MGAT4C: variants seen among roughly 807,000 people sequenced by gnomAD.
MGAT4C encodes the protein alpha-1,3-mannosyl-glycoprotein 4-beta-N-acetylglucosaminyltransferase C.
In MGAT4C, 19 loss-of-function variants were observed where a neutral mutation model predicts 40.1. The ratio of observed to expected loss-of-function variants is 0.47; its 90% confidence interval spans 0.33 to 0.70. The LOEUF (loss-of-function observed/expected upper bound fraction) is 0.70. Ranked by LOEUF, MGAT4C falls within the 30% of genes least tolerant of loss-of-function variation. MGAT4C has a pLI of 0.02. For synonymous variants in MGAT4C, 181 were observed against 187.1 expected (o/e 0.97, Z 0.27); for missense variants, 491 against 563.2 (o/e 0.87, Z 1.30).
At chr12:86,316,079 CAAAAAAAAAAAAAAA>C (rs71076185) in intron 4 of MGAT4C, among the ~76,000 whole-genome samples, 3 of 34,062 alleles carry the variant, frequency 8.8e-5, no homozygotes, top group African/African-American at 2.3e-4. Context: ...ATACAAGCAG[CAAAAAAAAAAAAAAA>C]AAAAAAAAAA....
At chr12:86,358,619 A>T (rs540227807) in intron 3 of MGAT4C, among the ~76,000 whole-genome samples, 3 of 152,210 alleles carry the variant, frequency 2.0e-5, no homozygotes, top group Non-Finnish European at 4.4e-5. Context: ...CTCAAAATAA[A>T]GGGATGGAGG....
chr12:86,753,946 G>C (rs1327356477), intron 1 of MGAT4C, among the ~76,000 whole-genome samples: 1 of 152,004 alleles, frequency 6.6e-6, no homozygotes, highest in Non-Finnish European at 1.5e-5. Flanking sequence ...AGAATAATTT[G>C]ACAGTTTTAA....
chr12:86,037,396 A>G (rs2136924715), intron 2 of MGAT4C, among the ~76,000 whole-genome samples: 1 of 150,102 alleles, frequency 6.7e-6, no homozygotes. Flanking sequence ...TGTCAATTTT[A>G]GATATTTCCT....
Position 86,062,449 on chromosome 12 carries a change from A to T in MGAT4C, c.-56-12726T>A, listed in dbSNP as rs142054911. On this transcript the variant is annotated intron_variant, in intron 1 of 4. Transcript: ENST00000611864. ...CCAGTGCAAAAAGGCTGAAAATTCC[A>T]GAAACCAGAATGCCTTTTCTCCTCC... 2.2e-3 allele frequency among the ~76,000 whole-genome samples: 341 copies of T among 152,242 alleles called. 2 individuals are homozygous for T. The highest frequency in any genetic ancestry group is 5.8e-3 in the Admixed American group (89 of 15,288).
chr12:86,178,179 G>C (rs376326903), intron 1 of MGAT4C, among the ~76,000 whole-genome samples: 3 of 152,052 alleles, frequency 2.0e-5, no homozygotes, highest in Non-Finnish European at 2.9e-5. Context: ...CTTGTGATCC[G>C]CCCGCCTTGG....
chr12:86,780,467 G>A (rs1051222695), intron 1 of MGAT4C, among the ~76,000 whole-genome samples: 1 of 152,106 alleles, frequency 6.6e-6, no homozygotes, highest in African/African-American at 2.4e-5. Flanking sequence ...CTCCCTTGCT[G>A]TTCTCATGAT....
intron 1 of MGAT4C, among the ~76,000 whole-genome samples, chr12:86,218,438 G>T (rs544343740): frequency 4.6e-5 from 7 of 152,158 alleles, no homozygotes; most frequent in Non-Finnish European, 1.0e-4. Flanking sequence ...ACCTCAAAAG[G>T]CTCTCTCTCC....
chr12:86,471,857 G>A (rs1034638771), intron 2 of MGAT4C, among the ~76,000 whole-genome samples: 1 of 152,074 alleles, frequency 6.6e-6, no homozygotes, highest in African/African-American at 2.4e-5. Flanking sequence ...AACCATGGAA[G>A]TGGATTTTTC....
chr12:86,754,677 T>C (rs146663513), intron 1 of MGAT4C, among the ~76,000 whole-genome samples: 29 of 152,232 alleles, frequency 1.9e-4, no homozygotes, highest in African/African-American at 7.0e-4. Flanking sequence ...CAAGAAAAGA[T>C]AGACAAATTG....
At position 85,957,657 on chromosome 12, in the gene MGAT4C, C is replaced by CAAAAAAAAAAAAAAAAAAAAAAG. The variant is rs5799763; in HGVS notation, c.*21631_*21632insCTTTTTTTTTTTTTTTTTTTTTT. On this transcript the variant is annotated 3_prime_UTR_variant, in exon 5 of 5. Coordinates refer to ENST00000611864, the MANE Select transcript of MGAT4C (RefSeq NM_001351288.2). ...TTTACTGTAGAGTTGAATAAGAAAG[C>CAAAAAAAAAAAAAAAAAAAAAAG]AAAAAAAAAAAAAAAAGAAAAAAGA... The CAAAAAAAAAAAAAAAAAAAAAAG allele has an allele frequency of 2.0e-5, 2 of 101,304 alleles. No individual in the cohort carries two copies. Among genetic ancestry groups the CAAAAAAAAAAAAAAAAAAAAAAG allele is most frequent in the Non-Finnish European group, 3.8e-5 (2 of 52,740 alleles). 6.3% of individuals were successfully genotyped at this position (101,304 alleles called of 1,614,324 possible).
At chr12:86,657,578 A>C (rs1464171291) in intron 2 of MGAT4C, among the ~76,000 whole-genome samples, 1 of 151,990 alleles carries the variant, frequency 6.6e-6, no homozygotes, top group African/African-American at 2.4e-5. Context: ...TTTCATTAAA[A>C]TATACTGAAT....
At chr12:86,628,972 C>A (rs1962924098) in intron 2 of MGAT4C, among the ~76,000 whole-genome samples, 1 of 151,924 alleles carries the variant, frequency 6.6e-6, no homozygotes, top group Non-Finnish European at 1.5e-5. Flanking sequence ...AGAGTGAAGA[C>A]CCATCAGCGC....
intron 2 of MGAT4C, among the ~76,000 whole-genome samples, chr12:86,485,241 A>T (rs560686546): frequency 1.2e-4 from 18 of 152,312 alleles, no homozygotes; most frequent in Non-Finnish European, 1.6e-4. Flanking sequence ...TCTTAACCAG[A>T]CTGAAATGAC....
intron 3 of MGAT4C, among the ~76,000 whole-genome samples, chr12:86,418,634 T>C (rs1956765692): frequency 6.8e-6 from 1 of 148,006 alleles, no homozygotes; most frequent in Admixed American, 6.9e-5. Context: ...ATAAATGTAA[T>C]GAATAAGTAT....
chr12:86,699,399 T>C (rs1950316543), intron 2 of MGAT4C, among the ~76,000 whole-genome samples: 1 of 152,178 alleles, frequency 6.6e-6, no homozygotes, highest in Non-Finnish European at 1.5e-5. Context: ...CACATAATTT[T>C]AGATCAGATT....
Position 85,978,492 on chromosome 12 carries a change from G to A in MGAT4C, c.*797C>T, listed in dbSNP as rs570155284. 3.5e-4 allele frequency: 53 copies of A among 151,554 alleles called. No homozygotes were observed. Among genetic ancestry groups the A allele is most frequent in the Non-Finnish European group, 7.0e-4 (47 of 67,530 alleles). The allele number at this position is 151,554 out of a possible 1,614,324, so 9.4% of individuals were successfully genotyped here. On this transcript the variant is annotated 3_prime_UTR_variant, in exon 5 of 5. Transcript: ENST00000611864. ...CTGCATATACTGAAAATGTCTGTAC[G>A]AATGAGCTAACTACTATAGGCCTTC...
intron 3 of MGAT4C, among the ~76,000 whole-genome samples, chr12:86,362,688 C>G (rs1955503657): frequency 6.6e-6 from 1 of 151,222 alleles, no homozygotes; most frequent in Admixed American, 6.6e-5. Flanking sequence ...ACAGTGAAAC[C>G]CTGTCTCTAC....
At chr12:86,267,912 A>G (rs1456161581) in intron 4 of MGAT4C, among the ~76,000 whole-genome samples, 1 of 152,122 alleles carries the variant, frequency 6.6e-6, no homozygotes, top group Non-Finnish European at 1.5e-5. Flanking sequence ...CTCTAATTTA[A>G]TTTTTCTTAC....
At chr12:86,285,219 A>C (rs968009012) in intron 4 of MGAT4C, among the ~76,000 whole-genome samples, 3 of 151,964 alleles carry the variant, frequency 2.0e-5, no homozygotes, top group Non-Finnish European at 4.4e-5. Flanking sequence ...ATTTTGCTGT[A>C]GGAATGAAGG....
Sources: allele counts gnomAD v4.1 joint callset (sites outside exome capture counted in the v4.1 genomes callset), GRCh38; gene constraint gnomAD v4.1.1; transcripts MANE v1.5; gene names NCBI Gene and HGNC (gene_info 2026-07-23, HGNC 2026-07-21).